The following SDK1 variants were observed in gnomAD, a reference collection of about 807,000 sequenced individuals.
SDK1 encodes the protein sidekick cell adhesion molecule 1.
In SDK1, 157 loss-of-function variants were observed where a neutral mutation model predicts 245.5. The observed-to-expected ratio is 0.64, with a 90% confidence interval of 0.56 to 0.73. The LOEUF is 0.73. SDK1 is among the 30% of genes least tolerant of loss of function. The probability of loss-of-function intolerance (pLI) is 0.00; values close to 1 mark genes in which losing one functional copy is unlikely to be tolerated. For synonymous variants in SDK1, 1,647 were observed against 1,278.5 expected, an observed-to-expected ratio of 1.29 and a Z score of -6.15; for missense variants, 3,583 against 3,002.3, an observed-to-expected ratio of 1.19 and a Z score of -4.52.
At chr7:3,981,104 C>A (rs113995722) in intron 13 of SDK1, among the ~76,000 whole-genome samples, 2 of 152,134 alleles carry the variant, frequency 1.3e-5, no homozygotes, top group African/African-American at 2.4e-5. Context: ...ATTTTTCCAA[C>A]GGCACCTGCT....
At chr7:4,212,431 C>T (rs771627182) in intron 38 of SDK1, among the ~76,000 whole-genome samples, 2 of 152,068 alleles carry the variant, frequency 1.3e-5, no homozygotes, top group Admixed American at 1.3e-4. Flanking sequence ...AAAAAAATCA[C>T]GTCTTAGACA....
At chr7:3,457,399 A>C (rs1780704701) in intron 1 of SDK1, among the ~76,000 whole-genome samples, 1 of 152,046 alleles carries the variant, frequency 6.6e-6, no homozygotes. Flanking sequence ...TCCCGAGCCA[A>C]TCCCCACAGA....
At chr7:4,256,650 A>C (rs577620253) in intron 44 of SDK1, among the ~76,000 whole-genome samples, 1 of 152,344 alleles carries the variant, frequency 6.6e-6, no homozygotes, top group South Asian at 2.1e-4. Context: ...TGTTGGGAAT[A>C]AAGAGTAATG....
At chr7:4,131,904 TCATCTAC>T (rs1784849713) in intron 27 of SDK1, among the ~76,000 whole-genome samples, 1 of 152,144 alleles carries the variant, frequency 6.6e-6, no homozygotes, top group Non-Finnish European at 1.5e-5. Flanking sequence ...TCAGGCCGCC[TCATCTAC>T]CACCTGCTTT....
Position 3,962,834 on chromosome 7 carries a change from C to A in SDK1, c.1412C>A (p.Thr471Asn). ...GAAGGAGGGGAGATCCAGACCCACA[C>A]CTACCTGGATGTAACCAGTGAGTAC... is the stretch of plus-strand genomic sequence containing the variant. ...SNEGGEIQTHTYLDVTNIAPV... is the reference protein window; with the variant it reads ...SNEGGEIQTHNYLDVTNIAPV... The change falls in exon 9 of 45, where the codon ACC becomes AAC. Residue 471 changes from threonine to asparagine, a missense_variant. Transcript: ENST00000404826. 6.2e-7 allele frequency: 1 copy of A among 1,612,574 alleles called. No homozygotes were observed. Among genetic ancestry groups the A allele is most frequent in the Non-Finnish European group, 8.5e-7 (1 of 1,179,462 alleles).
intron 4 of SDK1, among the ~76,000 whole-genome samples, chr7:3,747,691 A>G (rs1779664391): frequency 7.1e-6 from 1 of 141,684 alleles, no homozygotes; most frequent in South Asian, 2.1e-4. Context: ...GATTTAACTT[A>G]GCCTGGGGTG....
intron 1 of SDK1, among the ~76,000 whole-genome samples, chr7:3,549,900 A>G (rs1305421704): frequency 2.6e-5 from 4 of 152,124 alleles, no homozygotes; most frequent in Non-Finnish European, 5.9e-5. Flanking sequence ...CCAGAAAGGA[A>G]AAAAAAACCC....
chr7:3,577,939 G>C (rs905388587), intron 1 of SDK1, among the ~76,000 whole-genome samples: 1 of 152,046 alleles, frequency 6.6e-6, no homozygotes, highest in African/African-American at 2.4e-5. Flanking sequence ...AGCTCTTAGA[G>C]AAATGATTAG....
intron 4 of SDK1, among the ~76,000 whole-genome samples, chr7:3,669,993 C>G (rs558116854): frequency 6.6e-6 from 1 of 152,330 alleles, no homozygotes; most frequent in African/African-American, 2.4e-5. Context: ...TTCTCTTCCA[C>G]CACATCCAGT....
At chr7:3,662,398 A>C (rs973185604) in intron 4 of SDK1, among the ~76,000 whole-genome samples, 1 of 152,166 alleles carries the variant, frequency 6.6e-6, no homozygotes, top group Non-Finnish European at 1.5e-5. Context: ...ATCTTTGCCT[A>C]GTCCCCTGTC....
intron 22 of SDK1, among the ~76,000 whole-genome samples, chr7:4,102,150 C>T (rs1782593969): frequency 6.6e-6 from 1 of 152,186 alleles, no homozygotes; most frequent in South Asian, 2.1e-4. Context: ...GAGTCCCCTG[C>T]CGGCTTATGA....
intron 4 of SDK1, among the ~76,000 whole-genome samples, chr7:3,688,843 T>C (rs1216787155): frequency 6.6e-6 from 1 of 152,192 alleles, no homozygotes; most frequent in Non-Finnish European, 1.5e-5. Context: ...GGCCAATCCA[T>C]GTCCTGTGTC....
chr7:3,961,305 C>T (rs947176901), intron 8 of SDK1, among the ~76,000 whole-genome samples: 2 of 152,252 alleles, frequency 1.3e-5, no homozygotes, highest in African/African-American at 4.8e-5. Flanking sequence ...TATTTCCTGA[C>T]TTAATGAAAA....
chr7:3,717,959 T>TAA lies in SDK1; in HGVS notation c.713+75867_713+75868dup, dbSNP rs78072470. Among the ~76,000 whole-genome samples, 677 of 142,730 alleles carry TAA rather than the reference T, an allele frequency of 4.7e-3. 6 individuals are homozygous for TAA. Among genetic ancestry groups the TAA allele is most frequent in the African/African-American group, 0.016 (632 of 39,112 alleles). The allele number at this position is 142,730 out of a possible 152,430, so 93.6% of individuals were successfully genotyped here. ...ACCTGGAACAGCCAAAGACAGCATT[T>TAA]AAAAAAAAAAAAAACTGTAAACCTT... On this transcript the variant is annotated intron_variant, in intron 4 of 44. Transcript: ENST00000404826.
At chr7:3,565,031 T>G (rs141068254) in intron 1 of SDK1, among the ~76,000 whole-genome samples, 131 of 152,124 alleles carry the variant, frequency 8.6e-4, no homozygotes, top group African/African-American at 3.1e-3. Flanking sequence ...GAAGCAGTTT[T>G]GGGTTGTGGG....
intron 1 of SDK1, among the ~76,000 whole-genome samples, chr7:3,579,915 T>C (rs1780427237): frequency 6.6e-6 from 1 of 152,174 alleles, no homozygotes; most frequent in African/African-American, 2.4e-5. Context: ...CCCAAAGTGT[T>C]CTTCAGCTGA....
intron 4 of SDK1, among the ~76,000 whole-genome samples, chr7:3,658,090 CTGTAGAG>C (rs1320638389): frequency 6.6e-6 from 1 of 152,180 alleles, no homozygotes; most frequent in African/African-American, 2.4e-5. Flanking sequence ...TTCTCTTCAT[CTGTAGAG>C]TGCAGGTGAT....
chr7:4,212,594 G>T (rs1450614945), intron 38 of SDK1, among the ~76,000 whole-genome samples: 1 of 152,170 alleles, frequency 6.6e-6, no homozygotes, highest in African/African-American at 2.4e-5. Context: ...GCACCTGCCT[G>T]GGAGCCAGGG....
At chr7:3,546,934 A>C (rs1413905515) in intron 1 of SDK1, among the ~76,000 whole-genome samples, 1 of 152,224 alleles carries the variant, frequency 6.6e-6, no homozygotes, top group Non-Finnish European at 1.5e-5. Flanking sequence ...AAGTATCAGA[A>C]AGATCTATGA....
Sources: gnomAD v4.1 joint callset for allele counts (sites outside exome capture counted in the v4.1 genomes callset) on GRCh38, gnomAD v4.1.1 for gene constraint, MANE v1.5 for transcripts, NCBI Gene and HGNC (gene_info 2026-07-23, HGNC 2026-07-21) for gene names.